The following INSL6 variants were observed in gnomAD, a reference collection of about 807,000 sequenced individuals.
INSL6 encodes insulin-like peptide INSL6.
Under a neutral mutation model 9.4 loss-of-function variants are expected in INSL6, and 16 were observed. The observed-to-expected ratio is 1.70, with a 90% CI of 1.15 to 2.59. The LOEUF (loss-of-function observed/expected upper bound fraction) is 2.59. INSL6 is among the 30% of genes most tolerant of loss of function. The probability of loss-of-function intolerance (pLI) is 0.00; values close to 1 mark genes in which losing one functional copy is unlikely to be tolerated. For missense variants in INSL6, 391 were observed against 257.3 expected (o/e 1.52, Z -3.56); for synonymous variants, 154 against 96.9 (o/e 1.59, Z -3.46).
At chr9:5,000,783 A>G in the INSL6 span, among the ~76,000 whole-genome samples, 3 of 152,168 alleles carry the variant, frequency 2.0e-5, no homozygotes, top group African/African-American at 7.2e-5. Flanking sequence ...ATATATTTGT[A>G]TATGTATTAA....
At chr9:5,101,540 T>C in the INSL6 span, among the ~76,000 whole-genome samples, 1 of 152,250 alleles carries the variant, frequency 6.6e-6, no homozygotes, top group African/African-American at 2.4e-5. Flanking sequence ...TCTACCAGCA[T>C]GGTGTTTGAG....
chr9:5,133,773 C>T (rs755472136), intron 2 of INSL6, among the ~76,000 whole-genome samples: 1 of 151,898 alleles, frequency 6.6e-6, no homozygotes, highest in Non-Finnish European at 1.5e-5. Context: ...TTCCAAATGC[C>T]AGAATGCCTC....
At chr9:5,132,360 T>C (rs1824307969) in intron 3 of INSL6, among the ~76,000 whole-genome samples, 1 of 152,154 alleles carries the variant, frequency 6.6e-6, no homozygotes, top group African/African-American at 2.4e-5. Context: ...TTAATGGGAA[T>C]TTTTTTCAAC....
At chr9:5,079,181 G>A in the INSL6 span, among the ~76,000 whole-genome samples, 3 of 152,154 alleles carry the variant, frequency 2.0e-5, no homozygotes, top group Admixed American at 6.5e-5. Context: ...AATTCTTACA[G>A]GGTCTTACAT....
the INSL6 span, chr9:5,089,936 T>G: frequency 9.6e-7 from 1 of 1,044,540 alleles, no homozygotes; most frequent in South Asian, 3.1e-5. Flanking sequence ...AAATGTACAA[T>G]GTCTTAACGA....
the INSL6 span, among the ~76,000 whole-genome samples, chr9:4,997,785 G>C: frequency 3.3e-5 from 5 of 152,328 alleles, no homozygotes; most frequent in African/African-American, 1.2e-4. Context: ...AATAGTGCAT[G>C]ATAGTATAAG....
the INSL6 span, chr9:5,097,987 T>C: frequency 6.6e-6 from 1 of 152,352 alleles, no homozygotes; most frequent in Non-Finnish European, 1.5e-5. Flanking sequence ...ATTCCGATTA[T>C]CCTGATGCAT....
At chr9:5,035,916 G>A in the INSL6 span, among the ~76,000 whole-genome samples, 2 of 152,104 alleles carry the variant, frequency 1.3e-5, no homozygotes, top group East Asian at 1.9e-4. Context: ...AAGGTTATTT[G>A]ATTAGGAAAA....
At chr9:5,135,091 C>A (rs1396450432) in intron 2 of INSL6, among the ~76,000 whole-genome samples, 1 of 152,070 alleles carries the variant, frequency 6.6e-6, no homozygotes, top group Non-Finnish European at 1.5e-5. Context: ...CAAAGAAGGG[C>A]ATTATATAAT....
chr9:5,157,281 C>G (rs1029824576), intron 2 of INSL6, among the ~76,000 whole-genome samples: 3 of 151,910 alleles, frequency 2.0e-5, no homozygotes, highest in Non-Finnish European at 4.4e-5. Context: ...AAAGGCTCAA[C>G]AATAGCCAAT....
chr9:5,020,688 G>T, the INSL6 span, among the ~76,000 whole-genome samples: 1 of 152,182 alleles, frequency 6.6e-6, no homozygotes, highest in Non-Finnish European at 1.5e-5. Flanking sequence ...AGCTGTAGGT[G>T]GTAGAGCTTG....
At chr9:5,104,642 C>T in the INSL6 span, among the ~76,000 whole-genome samples, 11 of 152,108 alleles carry the variant, frequency 7.2e-5, no homozygotes, top group Admixed American at 1.3e-4. Context: ...TGATGAACGT[C>T]GATGTGAAAA....
At chr9:5,038,180 C>A in the INSL6 span, among the ~76,000 whole-genome samples, 5 of 151,910 alleles carry the variant, frequency 3.3e-5, no homozygotes, top group Admixed American at 2.0e-4. Flanking sequence ...TTAATGCCAA[C>A]AAATTAGAGG....
At chr9:4,999,885 T>C in the INSL6 span, among the ~76,000 whole-genome samples, 4 of 152,246 alleles carry the variant, frequency 2.6e-5, no homozygotes, top group African/African-American at 9.6e-5. Context: ...CTACTACTCC[T>C]GTCCTTTTTC....
At chr9:5,042,029 G>T in the INSL6 span, 13 of 314,582 alleles carry the variant, frequency 4.1e-5, no homozygotes, top group Middle Eastern at 4.0e-4. Context: ...GCCAGACGCT[G>T]GCTGGAAGCC....
the INSL6 span, chr9:5,055,710 C>T: frequency 3.8e-6 from 6 of 1,587,846 alleles, 1 homozygote; most frequent in South Asian, 5.5e-5. Context: ...TTATTGATGT[C>T]AGTATTAAGC....
downstream of INSL6, among the ~76,000 whole-genome samples, chr9:5,120,408 T>G (rs1300085294): frequency 6.6e-6 from 1 of 152,226 alleles, no homozygotes; most frequent in Admixed American, 6.5e-5. Context: ...TTCACAGGAT[T>G]TTGCCCATGA....
chr9:5,069,203 CA>C, the INSL6 span: 1 of 1,595,404 alleles, frequency 6.3e-7, no homozygotes, highest in Non-Finnish European at 8.5e-7. Flanking sequence ...CCCCCAAAGC[CA>C]AAAGGTAAGA....
At chr9:5,068,755 T>G in the INSL6 span, among the ~76,000 whole-genome samples, 37,957 of 152,128 alleles carry the variant, frequency 0.25, 4,939 homozygotes, top group South Asian at 0.3. Flanking sequence ...GGAAAACTAT[T>G]AAGGATGGTA....
Sources: allele counts gnomAD v4.1 joint callset (sites outside exome capture counted in the v4.1 genomes callset), GRCh38; gene constraint gnomAD v4.1.1; transcripts MANE v1.5; gene names NCBI Gene and HGNC (gene_info 2026-07-23, HGNC 2026-07-21).